Variants in ROBO1 observed in about 807,000 individuals in gnomAD.
ROBO1 encodes roundabout homolog 1.
Under a neutral mutation model 195.9 loss-of-function variants are expected in ROBO1, and 149 were observed. The observed-to-expected ratio is 0.76, with a 90% CI of 0.67 to 0.87. The LOEUF (loss-of-function observed/expected upper bound fraction) is 0.87. Among genes scored for constraint, ROBO1 ranks in the 40% least tolerant of loss-of-function variants. ROBO1 has a pLI of 0.00. For synonymous variants in ROBO1, 816 were observed against 733.2 expected (o/e 1.11, Z -1.82); for missense variants, 1,933 against 2,068.3 (o/e 0.93, Z 1.27).
At chr3:79,381,809 A>G (rs1329540689) in intron 2 of ROBO1, among the ~76,000 whole-genome samples, 1 of 152,104 alleles carries the variant, frequency 6.6e-6, no homozygotes, top group Non-Finnish European at 1.5e-5. Flanking sequence ...ATATATAATT[A>G]TAGTAATATG....
chr3:78,859,249 G>C (rs1003343772), intron 4 of ROBO1, among the ~76,000 whole-genome samples: 3 of 152,162 alleles, frequency 2.0e-5, no homozygotes, highest in Non-Finnish European at 4.4e-5. Flanking sequence ...TTGAAGCTTA[G>C]GTTTTGAAGA....
intron 1 of ROBO1, among the ~76,000 whole-genome samples, chr3:79,723,874 A>T (rs1447977323): frequency 6.6e-6 from 1 of 152,316 alleles, no homozygotes; most frequent in Admixed American, 6.5e-5. Flanking sequence ...AAATTATTAT[A>T]TGAGAAATAT....
At chr3:78,970,845 T>C (rs2076748785) in intron 3 of ROBO1, among the ~76,000 whole-genome samples, 1 of 152,064 alleles carries the variant, frequency 6.6e-6, no homozygotes, top group Non-Finnish European at 1.5e-5. Flanking sequence ...GTAATAGGGC[T>C]ACGATTTCAA....
At chr3:79,502,128 C>G (rs909043705) in intron 2 of ROBO1, among the ~76,000 whole-genome samples, 1 of 152,206 alleles carries the variant, frequency 6.6e-6, no homozygotes, top group East Asian at 1.9e-4. Flanking sequence ...TTATCCGCGC[C>G]TTCTCGGCCT....
At chr3:79,134,962 G>C (rs1392342869) in intron 2 of ROBO1, among the ~76,000 whole-genome samples, 4 of 141,408 alleles carry the variant, frequency 2.8e-5, no homozygotes, top group Admixed American at 1.4e-4. Context: ...TGGGTGCAGC[G>C]CACCAGCATG....
chr3:79,195,593 A>G (rs1297423187), intron 2 of ROBO1, among the ~76,000 whole-genome samples: 1 of 151,608 alleles, frequency 6.6e-6, no homozygotes, highest in Non-Finnish European at 1.5e-5. Flanking sequence ...TGTATAATGA[A>G]AAATATTTTC....
At chr3:78,994,399 C>T (rs956475644) in intron 3 of ROBO1, among the ~76,000 whole-genome samples, 15 of 152,194 alleles carry the variant, frequency 9.9e-5, no homozygotes, top group East Asian at 1.9e-4. Flanking sequence ...TCTAAATGTG[C>T]GCTACCATAT....
At chr3:79,088,575 G>A (rs62259665) in intron 3 of ROBO1, among the ~76,000 whole-genome samples, 1 of 152,070 alleles carries the variant, frequency 6.6e-6, no homozygotes, top group African/African-American at 2.4e-5. Flanking sequence ...AAGGTAAGAA[G>A]CACATCTTTA....
At chr3:79,150,657 C>T (rs531966792) in intron 2 of ROBO1, among the ~76,000 whole-genome samples, 1 of 151,640 alleles carries the variant, frequency 6.6e-6, no homozygotes, top group African/African-American at 2.4e-5. Context: ...TTCCTAAGAC[C>T]TTTAAATAAA....
At chr3:79,419,540 T>G (rs909115955) in intron 2 of ROBO1, among the ~76,000 whole-genome samples, 10 of 152,114 alleles carry the variant, frequency 6.6e-5, no homozygotes, top group African/African-American at 1.4e-4. Context: ...CCGTTCTTCC[T>G]GCATGCAGAA....
At chr3:78,912,591 T>C (rs923237442) in intron 4 of ROBO1, among the ~76,000 whole-genome samples, 3 of 152,184 alleles carry the variant, frequency 2.0e-5, no homozygotes, top group Non-Finnish European at 4.4e-5. Flanking sequence ...GCCTCTGTTT[T>C]ATTAAACTTC....
intron 2 of ROBO1, among the ~76,000 whole-genome samples, chr3:79,192,899 T>C (rs1414900122): frequency 6.6e-6 from 1 of 151,552 alleles, no homozygotes; most frequent in Non-Finnish European, 1.5e-5. Context: ...GTTCAGAATA[T>C]TAGTTTATTA....
At chr3:79,760,262 A>AAAAAAAAAAG in intron 1 of ROBO1, among the ~76,000 whole-genome samples, 1 of 146,620 alleles carries the variant, frequency 6.8e-6, no homozygotes, top group Non-Finnish European at 1.5e-5. Flanking sequence ...AAAAAAAAAA[A>AAAAAAAAAAG]AAAAAAAAAG....
At chr3:79,652,245 G>A (rs1284370318) in intron 1 of ROBO1, among the ~76,000 whole-genome samples, 3 of 151,962 alleles carry the variant, frequency 2.0e-5, no homozygotes, top group Admixed American at 2.0e-4. Flanking sequence ...TCCTCTTTGA[G>A]GTAGCGCTTA....
rs539989216 is a variant in ROBO1 at position 79,686,057 on chromosome 3, G to C, written c.-51+81695C>G. On this transcript the variant is annotated intron_variant, in intron 1 of 30. Transcript: ENST00000464233. ...GTGGGTTTCATCCCTGGGATGCAAG[G>C]CTGGTTCAACATATGCAAATCAATA... is the stretch of plus-strand genomic sequence containing the variant. Among the ~76,000 whole-genome samples, 3 of 152,264 alleles carry C rather than the reference G, an allele frequency of 2.0e-5. No homozygotes were observed. In the East Asian group the frequency reaches 5.8e-4, roughly 29 times the overall value.
chr3:79,096,599 C>T (rs915391840), intron 3 of ROBO1, among the ~76,000 whole-genome samples: 1 of 151,166 alleles, frequency 6.6e-6, no homozygotes, highest in Middle Eastern at 3.5e-3. Flanking sequence ...CATAGGAAGA[C>T]TAGGCAATAA....
At chr3:78,792,658 C>T (rs1028147854) in intron 4 of ROBO1, among the ~76,000 whole-genome samples, 2 of 152,174 alleles carry the variant, frequency 1.3e-5, no homozygotes, top group African/African-American at 2.4e-5. Flanking sequence ...TTCCTTCTCT[C>T]AACATTTTAT....
At chr3:78,860,135 ATAGG>A (rs1219387012) in intron 4 of ROBO1, among the ~76,000 whole-genome samples, 4 of 130,760 alleles carry the variant, frequency 3.1e-5, no homozygotes, top group Admixed American at 7.5e-5. Context: ...AGGTAGGTAG[ATAGG>A]TAGATAGATA....
chr3:79,448,496 C>A (rs1212297629), intron 2 of ROBO1, among the ~76,000 whole-genome samples: 2 of 151,970 alleles, frequency 1.3e-5, no homozygotes, highest in East Asian at 1.9e-4. Context: ...TATTAATTAG[C>A]AGTTTATTTG....
Sources: gnomAD v4.1 joint callset for allele counts (sites outside exome capture counted in the v4.1 genomes callset) on GRCh38, gnomAD v4.1.1 for gene constraint, MANE v1.5 for transcripts, NCBI Gene and HGNC (gene_info 2026-07-23, HGNC 2026-07-21) for gene names.